The following SMC5 variants were observed in gnomAD, a reference collection of about 807,000 sequenced individuals.
The protein encoded by SMC5 is structural maintenance of chromosomes protein 5.
In SMC5, 88 loss-of-function variants were observed where a neutral mutation model predicts 148.3. The observed-to-expected ratio is 0.59, with a 90% CI of 0.50 to 0.71. The LOEUF is 0.71. Among genes scored for constraint, SMC5 ranks in the 30% least tolerant of loss-of-function variants. The pLI, the probability that SMC5 is intolerant of heterozygous loss-of-function variation, is 0.00. For missense variants in SMC5, 1,142 were observed against 1,298.9 expected (o/e 0.88, Z 1.86); for synonymous variants, 421 against 432.8 (o/e 0.97, Z 0.34).
intron 18 of SMC5, among the ~76,000 whole-genome samples, chr9:70,345,385 A>T (rs2036641518): frequency 1.3e-5 from 2 of 152,114 alleles, no homozygotes; most frequent in African/African-American, 2.4e-5. Flanking sequence ...CAAAAATCAG[A>T]TAATGTCAGA....
intron 8 of SMC5, among the ~76,000 whole-genome samples, chr9:70,290,960 C>T (rs2035041273): frequency 6.6e-6 from 1 of 152,136 alleles, no homozygotes; most frequent in Non-Finnish European, 1.5e-5. Context: ...GAGTATGGGC[C>T]ATACTTTTTC....
At chr9:70,275,102 A>G (rs2034552362) in intron 3 of SMC5, among the ~76,000 whole-genome samples, 1 of 152,140 alleles carries the variant, frequency 6.6e-6, no homozygotes, top group Non-Finnish European at 1.5e-5. Context: ...TTTAATCTGA[A>G]AACGATATTA....
rs147492837 is a variant in SMC5 at position 70,329,019 on chromosome 9, G to T, written c.2397+4876G>T. Among the ~76,000 whole-genome samples, 14 of 152,320 alleles carry T rather than the reference G, an allele frequency of 9.2e-5. No individual in the cohort carries two copies. In the East Asian group the frequency reaches 2.3e-3, roughly 25 times the overall value. ...GCCCCGTTTAGCCACACCCGGAGTG[G>T]CTAGGATGTAGGGCACCATGCCCTA... On this transcript the variant is annotated intron_variant, in intron 17 of 24. Transcript: ENST00000361138.
Position 70,317,499 on chromosome 9 carries a change from A to G in SMC5, c.1807-1015A>G, listed in dbSNP as rs551367420. Among the ~76,000 whole-genome samples the G allele has an allele frequency of 1.3e-4, 19 of 151,958 alleles. No individual in the cohort carries two copies. In the East Asian group the frequency reaches 2.1e-3, roughly 17 times the overall value. On this transcript the variant is annotated intron_variant, in intron 13 of 24. Transcript: ENST00000361138. Reference sequence around the variant, plus strand: ...CATCCAGTCTATCCCTTTTTTTCAGATTAGTCGGATTGTAGGATTTATGCC... The same window carrying G: ...CATCCAGTCTATCCCTTTTTTTCAGGTTAGTCGGATTGTAGGATTTATGCC...
chr9:70,296,029 T>C (rs775446135), intron 8 of SMC5, among the ~76,000 whole-genome samples: 6 of 152,158 alleles, frequency 3.9e-5, no homozygotes, highest in Non-Finnish European at 8.8e-5. Context: ...TTCTCTTGCT[T>C]CTGTATGTTT....
At chr9:70,303,650 T>G (rs2035421159) in intron 10 of SMC5, among the ~76,000 whole-genome samples, 1 of 152,234 alleles carries the variant, frequency 6.6e-6, no homozygotes, top group African/African-American at 2.4e-5. Flanking sequence ...TTAATCCACA[T>G]TTAGTTCTAT....
At chr9:70,277,510 T>A in intron 4 of SMC5, 38 bp downstream of exon 4, 2 of 1,516,432 alleles carry the variant, frequency 1.3e-6, no homozygotes, top group Non-Finnish European at 1.8e-6. Context: ...GAAAATTTTG[T>A]ATATAGTGTT....
chr9:70,330,699 G>A (rs889116105), intron 17 of SMC5, among the ~76,000 whole-genome samples: 6 of 151,714 alleles, frequency 4.0e-5, no homozygotes, highest in Admixed American at 1.3e-4. Context: ...ATACCACCAT[G>A]CCCTGCTAAT....
At chr9:70,331,419 CAG>C (rs539965342) in intron 17 of SMC5, among the ~76,000 whole-genome samples, 5,315 of 130,224 alleles carry the variant, frequency 0.041, 124 homozygotes, top group Non-Finnish European at 0.061. Flanking sequence ...TAGAAAAAAA[CAG>C]GGAGATTTGA....
intron 11 of SMC5, among the ~76,000 whole-genome samples, chr9:70,312,837 A>C (rs1476156897): frequency 6.6e-6 from 1 of 152,182 alleles, no homozygotes; most frequent in Non-Finnish European, 1.5e-5. Context: ...AATATTTTAC[A>C]AAGGATTTTT....
At chr9:70,317,209 A>G (rs976093063) in intron 13 of SMC5, among the ~76,000 whole-genome samples, 1 of 152,144 alleles carries the variant, frequency 6.6e-6, no homozygotes, top group Non-Finnish European at 1.5e-5. Context: ...GATAATGGCA[A>G]TAATGGCTGT....
rs117287324 is a variant in SMC5 at position 70,324,279 on chromosome 9, G to A, written c.2397+136G>A. On this transcript the variant is annotated intron_variant, in intron 17 of 24. Coordinates refer to ENST00000361138, the MANE Select transcript of SMC5 (RefSeq NM_015110.4). ...ACTTACAAATTTAATGCATCATGTT[G>A]ATGAGGAAGTAATACTTAAAATACT... The A allele has an allele frequency of 1.1e-4, 92 of 839,518 alleles. 1 individual carries two copies. The East Asian group carries it at 2.6e-3, about 24-fold the overall frequency. 52.0% of individuals were successfully genotyped at this position (839,518 alleles called of 1,614,324 possible).
intron 3 of SMC5, among the ~76,000 whole-genome samples, chr9:70,272,025 T>G (rs1252973578): frequency 6.6e-6 from 1 of 152,264 alleles, no homozygotes; most frequent in African/African-American, 2.4e-5. Flanking sequence ...ATTGGGTTGC[T>G]GTATGGAAAG....
chr9:70,282,632 T>C (rs2034781778), intron 7 of SMC5, 49 bp downstream of exon 7: 1 of 1,494,718 alleles, frequency 6.7e-7, no homozygotes, highest in Non-Finnish European at 9.0e-7. Context: ...TTTTAGCAAA[T>C]ATAAAAAATA....
chr9:70,284,221 A>T (rs2034835161), intron 7 of SMC5, among the ~76,000 whole-genome samples: 1 of 152,194 alleles, frequency 6.6e-6, no homozygotes, highest in Non-Finnish European at 1.5e-5. Context: ...AAATTATTGC[A>T]CTCAAGTCCA....
At chr9:70,334,850 C>T (rs1426051592) in intron 17 of SMC5, among the ~76,000 whole-genome samples, 3 of 152,072 alleles carry the variant, frequency 2.0e-5, no homozygotes, top group Non-Finnish European at 4.4e-5. Flanking sequence ...AAAAGATGCC[C>T]AACCTGACTT....
chr9:70,346,513 C>CT, intron 18 of SMC5, 92 bp from the exon 19 acceptor site: 2 of 1,241,514 alleles, frequency 1.6e-6, no homozygotes, highest in Non-Finnish European at 2.3e-6. Context: ...TCTCAGGATG[C>CT]TTTTTTAGTT....
intron 1 of SMC5, among the ~76,000 whole-genome samples, chr9:70,259,984 A>C (rs1436981551): frequency 7.7e-6 from 1 of 129,770 alleles, no homozygotes; most frequent in African/African-American, 3.0e-5. Flanking sequence ...CCTGTAGCCC[A>C]CGCTGGATGG....
chr9:70,261,695 A>G (rs1286285886), intron 1 of SMC5, among the ~76,000 whole-genome samples: 5 of 152,208 alleles, frequency 3.3e-5, no homozygotes, highest in African/African-American at 4.8e-5. Flanking sequence ...TGATTGCCCA[A>G]TAGGAATTAT....
Sources: gnomAD v4.1 joint callset for allele counts (sites outside exome capture counted in the v4.1 genomes callset) on GRCh38, gnomAD v4.1.1 for gene constraint, MANE v1.5 for transcripts, NCBI Gene and HGNC (gene_info 2026-07-23, HGNC 2026-07-21) for gene names.